Variants in SLCO2B1 observed in about 807,000 individuals in gnomAD.
SLCO2B1 encodes the protein OATP-RP2.
Under a neutral mutation model 67.3 loss-of-function variants are expected in SLCO2B1, and 41 were observed. That is an observed-to-expected ratio of 0.61 (90% CI 0.47 to 0.79). The LOEUF (loss-of-function observed/expected upper bound fraction) is 0.79, where lower values mean the gene tolerates loss of function less well. Ranked by LOEUF, SLCO2B1 falls within the 30% of genes least tolerant of loss-of-function variation. The pLI, the probability that SLCO2B1 is intolerant of heterozygous loss-of-function variation, is 0.00. For missense variants in SLCO2B1, 837 were observed against 920.1 expected (o/e 0.91, Z 1.17); for synonymous variants, 379 against 381.4 (o/e 0.99, Z 0.07).
intron 7 of SLCO2B1, among the ~76,000 whole-genome samples, chr11:75,174,839 G>T (rs139833423): frequency 1.6e-4 from 24 of 152,328 alleles, no homozygotes; most frequent in Non-Finnish European, 2.6e-4. Context: ...CAGAAGCAAA[G>T]TTTAGGGGTG....
At position 75,164,077 on chromosome 11, in the gene SLCO2B1, G is replaced by C; in HGVS notation, c.262G>C (p.Gly88Arg). ...KRFGLSSQTSGLLASFNEVGN... is the reference protein window; with the variant it reads ...KRFGLSSQTSRLLASFNEVGN... ...CTTCGGCCTCTCCAGCCAGACGTCG[G>C]GGCTGCTGGCCTCCTTCAACGAGGT... Residue 88 changes from glycine (G) to arginine (R), a missense_variant, in exon 3 of 14, where the codon GGG becomes CGG. Transcript: ENST00000289575. 1 of 1,608,558 alleles carries C rather than the reference G, an allele frequency of 6.2e-7. No individual in the cohort carries two copies. The highest frequency in any genetic ancestry group is 8.5e-7 in the Non-Finnish European group (1 of 1,177,806).
chr11:75,169,783 T>G lies in SLCO2B1; in HGVS notation c.781+19T>G. 2 of 1,602,304 alleles carry G rather than the reference T, an allele frequency of 1.2e-6. No homozygotes were observed. The highest frequency in any genetic ancestry group is 2.2e-5 in the South Asian group (2 of 90,844). On this transcript the variant is annotated intron_variant, in intron 6 of 13. Coordinates refer to ENST00000289575, the MANE Select transcript of SLCO2B1 (RefSeq NM_007256.5). The stretch of plus-strand genomic sequence containing the variant: ...CCAGAAGGTGAGCCTCAGGAGCACA[T>G]GTTTGCTAGACCCTAGCTAACTGAC...
rs979814916 is a variant in SLCO2B1 at position 75,178,669 on chromosome 11, A to G, written c.972+6100A>G. On this transcript the variant is annotated intron_variant, in intron 7 of 13. Coordinates refer to ENST00000289575, the MANE Select transcript of SLCO2B1 (RefSeq NM_007256.5). ...GAGAACACTTAAAACCTACTTTCTT[A>G]GCAATTTGCAAGTGTGCAATATATT... 5.9e-5 allele frequency among the ~76,000 whole-genome samples: 9 copies of G among 152,298 alleles called. No individual in the cohort carries two copies. In the South Asian group the frequency reaches 6.2e-4, roughly 11 times the overall value.
chr11:75,161,905 T>C (rs1361087049), intron 1 of SLCO2B1, among the ~76,000 whole-genome samples: 2 of 152,100 alleles, frequency 1.3e-5, no homozygotes, highest in African/African-American at 4.8e-5. Context: ...TTACCATAGT[T>C]ACCATGTGAG....
chr11:75,177,121 T>C (rs1001367736), intron 7 of SLCO2B1, among the ~76,000 whole-genome samples: 1 of 151,724 alleles, frequency 6.6e-6, no homozygotes, highest in Admixed American at 6.6e-5. Context: ...GGTACCACCA[T>C]AGGGAGGAGG....
At chr11:75,161,526 G>T (rs993561683) in intron 1 of SLCO2B1, among the ~76,000 whole-genome samples, 1 of 152,182 alleles carries the variant, frequency 6.6e-6, no homozygotes, top group East Asian at 1.9e-4. Flanking sequence ...GTGGTTCAGG[G>T]CCTCCGTAGC....
At chr11:75,195,644 C>T (rs1945087583) in intron 9 of SLCO2B1, among the ~76,000 whole-genome samples, 1 of 152,186 alleles carries the variant, frequency 6.6e-6, no homozygotes, top group Non-Finnish European at 1.5e-5. Context: ...TCATCCTGGG[C>T]CTCTGCCCCA....
Position 75,196,556 on chromosome 11 carries a change from C to T in SLCO2B1, c.1476C>T (p.Ala492=), listed in dbSNP as rs1945098842. ...GLELSPSCME[A]CSCPLDGFNP... The stretch of plus-strand genomic sequence containing the variant: ...AGCTGTCTCCAAGCTGCATGGAGGC[C>T]TGCTCCTGCCCATTGGACGGCTTTA... The change falls in exon 10 of 14, where the codon GCC becomes GCT. Residue 492 remains alanine (A), a synonymous_variant. Coordinates refer to ENST00000289575, the MANE Select transcript of SLCO2B1 (RefSeq NM_007256.5). 1 of 1,614,128 alleles carries T rather than the reference C, an allele frequency of 6.2e-7. No individual in the cohort carries two copies. The highest frequency in any genetic ancestry group is 1.7e-5 in the Admixed American group (1 of 60,028).
intron 7 of SLCO2B1, among the ~76,000 whole-genome samples, chr11:75,182,010 A>G (rs1021690359): frequency 6.6e-6 from 1 of 152,158 alleles, no homozygotes; most frequent in Non-Finnish European, 1.5e-5. Context: ...TGGCCTTCCA[A>G]ACCACCCGAG....
intron 7 of SLCO2B1, among the ~76,000 whole-genome samples, chr11:75,177,498 A>C (rs1379551011): frequency 6.6e-6 from 1 of 152,138 alleles, no homozygotes; most frequent in Non-Finnish European, 1.5e-5. Flanking sequence ...TTCAGTAGGG[A>C]TGGCACCATG....
At chr11:75,191,630 G>A (rs758335864) in intron 8 of SLCO2B1, among the ~76,000 whole-genome samples, 1 of 152,196 alleles carries the variant, frequency 6.6e-6, no homozygotes, top group Non-Finnish European at 1.5e-5. Context: ...ATCTTCCCAT[G>A]ACAGAGGCCC....
intron 9 of SLCO2B1, among the ~76,000 whole-genome samples, chr11:75,195,122 G>A (rs986093775): frequency 1.1e-4 from 16 of 152,198 alleles, no homozygotes; most frequent in Non-Finnish European, 2.2e-4. Flanking sequence ...AAGGCTCAGA[G>A]AGGTGAAGTC....
In SLCO2B1 at chr11:75,186,648, C is replaced by T. The variant is rs950337743; in HGVS notation, c.973-1488C>T. ...AACTACAGCCGCGAACCATCACACC[C>T]GGCCTAGGCATAAGTCTTCTTCCAG... is the stretch of plus-strand genomic sequence containing the variant. On this transcript the variant is annotated intron_variant, in intron 7 of 13. Coordinates refer to ENST00000289575, the MANE Select transcript of SLCO2B1 (RefSeq NM_007256.5). 6.6e-5 allele frequency among the ~76,000 whole-genome samples: 10 copies of T among 152,302 alleles called. No individual in the cohort carries two copies. In the East Asian group the frequency reaches 1.2e-3, roughly 18 times the overall value.
Position 75,204,384 on chromosome 11 carries a change from C to G in SLCO2B1, c.1950-16C>G, listed in dbSNP as rs775515086. 6.3e-7 allele frequency: 1 copy of G among 1,589,098 alleles called. No individual in the cohort carries two copies. On this transcript the variant is annotated splice_polypyrimidine_tract_variant and intron_variant, in intron 13 of 13. Coordinates refer to ENST00000289575, the MANE Select transcript of SLCO2B1 (RefSeq NM_007256.5). ...CTGGCAGCTCTTGAGTTCAAGGGTC[C>G]CCATTCTTTCCCCAGGTTCATCGGC...
intron 1 of SLCO2B1, 120 bp from the exon 2 acceptor site, chr11:75,162,535 A>G (rs1042454503): frequency 3.7e-6 from 4 of 1,071,856 alleles, no homozygotes; most frequent in Non-Finnish European, 5.4e-6. Flanking sequence ...GATTCTCATC[A>G]ACCACTAAGA....
intron 1 of SLCO2B1, among the ~76,000 whole-genome samples, chr11:75,155,275 T>C (rs1949734176): frequency 6.6e-6 from 1 of 152,064 alleles, no homozygotes; most frequent in African/African-American, 2.4e-5. Context: ...CCTGGAGACA[T>C]GCCCCCTTCC....
At position 75,156,712 on chromosome 11, in the gene SLCO2B1, T is replaced by C. The variant is rs948560010; in HGVS notation, c.16+5315T>C. 7.9e-5 allele frequency among the ~76,000 whole-genome samples: 12 copies of C among 152,316 alleles called. No individual in the cohort carries two copies. The East Asian group carries it at 1.9e-3, about 24-fold the overall frequency. ...AGTAAAGGAATAAAAGAATGGCTAC[T>C]CCATAGGCAGAGCAGCCCCGAGGGC... On this transcript the variant is annotated intron_variant, in intron 1 of 13. Transcript: ENST00000289575.
intron 7 of SLCO2B1, among the ~76,000 whole-genome samples, chr11:75,183,583 G>A (rs1455771167): frequency 6.6e-6 from 1 of 152,152 alleles, no homozygotes; most frequent in Non-Finnish European, 1.5e-5. Context: ...AGAGTGCAGA[G>A]GTGCCATCAT....
chr11:75,186,895 C>G (rs1166857659), intron 7 of SLCO2B1, among the ~76,000 whole-genome samples: 1 of 152,192 alleles, frequency 6.6e-6, no homozygotes, highest in East Asian at 1.9e-4. Flanking sequence ...TTGGTTGCCC[C>G]CTTCCTTCAG....
Sources: allele counts gnomAD v4.1 joint callset (sites outside exome capture counted in the v4.1 genomes callset), GRCh38; gene constraint gnomAD v4.1.1; transcripts MANE v1.5; gene names NCBI Gene and HGNC (gene_info 2026-07-23, HGNC 2026-07-21).